MYH9: variants seen among roughly 807,000 people sequenced by gnomAD.
The protein encoded by MYH9 is myosin heavy chain 9.
Under a neutral mutation model 241.9 loss-of-function variants are expected in MYH9, and 29 were observed. The observed-to-expected ratio is 0.12, with a 90% CI of 0.09 to 0.16. MYH9 has a LOEUF of 0.16. Ranked by LOEUF, MYH9 falls within the 10% of genes least tolerant of loss-of-function variation. The pLI is 1.00. For synonymous variants in MYH9, 1,047 were observed against 1,062.6 expected (o/e 0.99, Z 0.29); for missense variants, 1,803 against 2,595.5 (o/e 0.69, Z 6.63).
At chr22:36,338,378 A>G (rs1461853462) in intron 3 of MYH9, among the ~76,000 whole-genome samples, 1 of 152,196 alleles carries the variant, frequency 6.6e-6, no homozygotes, top group African/African-American at 2.4e-5. Flanking sequence ...GTCCAATGCT[A>G]GCAGAAGGCA....
intron 7 of MYH9, 48 bp downstream of exon 7, chr22:36,321,710 C>G (rs1418267121): frequency 6.4e-7 from 1 of 1,551,354 alleles, no homozygotes; most frequent in South Asian, 1.1e-5. Context: ...AGAGGTCATG[C>G]CTCCCCTCCG....
intron 10 of MYH9, among the ~76,000 whole-genome samples, 175 bp downstream of exon 10, chr22:36,319,365 T>C (rs1431855576): frequency 6.6e-6 from 1 of 152,008 alleles, no homozygotes; most frequent in Non-Finnish European, 1.5e-5. Flanking sequence ...GCTTACTTGG[T>C]GAGAAAAAAA....
In MYH9 at chr22:36,322,471, G is replaced by A. The variant is rs375965637; in HGVS notation, c.663C>T (p.Phe221=). 1.2e-5 allele frequency: 19 copies of A among 1,613,848 alleles called. No individual in the cohort carries two copies. In the East Asian group the frequency reaches 2.7e-4, roughly 23 times the overall value. ...LLQANPILEA[F]GNAKTVKNDN... Reference sequence around the variant, plus strand: ...CATTCTTCACGGTCTTGGCGTTCCCGAAGGCCTCCAGGATGGGGTTGGCCT... The same window carrying A: ...CATTCTTCACGGTCTTGGCGTTCCCAAAGGCCTCCAGGATGGGGTTGGCCT... The change falls in exon 6 of 41, where the codon TTC becomes TTT. Residue 221 remains phenylalanine (F), a synonymous_variant. Transcript: ENST00000216181.
At chr22:36,292,558 G>C (rs1034540673) in intron 30 of MYH9, among the ~76,000 whole-genome samples, 26 of 152,196 alleles carry the variant, frequency 1.7e-4, no homozygotes, top group African/African-American at 6.3e-4. Flanking sequence ...GTGCCCTGTA[G>C]GGTGTCCACG....
intron 21 of MYH9, among the ~76,000 whole-genome samples, chr22:36,301,266 C>T (rs1031059242): frequency 1.3e-5 from 2 of 152,138 alleles, no homozygotes; most frequent in South Asian, 4.1e-4. Flanking sequence ...GAGCAAGGTC[C>T]CAGGAAATGG....
chr22:36,321,423 T>C (rs999158845), intron 7 of MYH9, among the ~76,000 whole-genome samples: 2 of 152,200 alleles, frequency 1.3e-5, no homozygotes, highest in African/African-American at 2.4e-5. Flanking sequence ...TTACAGGTAA[T>C]GGGAACAAGA....
rs1231440112 is a variant in MYH9, at chr22:36,288,772, G to A, written c.4725C>T (p.Gly1575=). The A allele has an allele frequency of 1.9e-6, 3 of 1,610,108 alleles. No homozygotes were observed. Among genetic ancestry groups the A allele is most frequent in the African/African-American group, 1.3e-5 (1 of 75,022 alleles). Residue 1575 remains glycine, a synonymous_variant, in exon 33 of 41, where the codon GGC becomes GGT. Coordinates refer to ENST00000216181, the MANE Select transcript of MYH9 (RefSeq NM_002473.6). This position sits in a 1 kb window ranked among gnomAD's most constrained non-coding sequence, Gnocchi z 4.8. The part of the protein sequence containing the change: ...MKAQFERDLQ[G]RDEQSEEKKK... ...TCTTCTCCTCGCTCTGCTCGTCCCG[G>A]CCCTGCAGGTCCCGCTCGAACTGGG...
Position 36,326,667 on chromosome 22 carries a change from A to C in MYH9, c.519-6T>G, listed in dbSNP as rs867195616. The C allele has an allele frequency of 1.3e-5, 21 of 1,613,068 alleles. No individual in the cohort carries two copies. The highest frequency in any genetic ancestry group is 3.3e-4 in the Middle Eastern group (2 of 6,084). ...TGCCAGCTCCAGATTCACCACTACC[A>C]AGAGAGGCAAGGAAGTCCCGGGCTT... On this transcript the variant is annotated splice_polypyrimidine_tract_variant and splice_region_variant and intron_variant, in intron 4 of 40. Transcript: ENST00000216181.
In MYH9 at chr22:36,308,716, G is replaced by GC. The variant is rs1475435558; in HGVS notation, c.1843+565_1843+566insG. ...AAGCAGGCAGGAAAAGCCAAGGCAA[G>GC]GGGGGGCGCGAGAAAACCTAGGCAG... On this transcript the variant is annotated intron_variant, in intron 15 of 40. Coordinates refer to ENST00000216181, the MANE Select transcript of MYH9 (RefSeq NM_002473.6). 1.2e-5 allele frequency: 7 copies of GC among 602,560 alleles called. No homozygotes were observed. In the African/African-American group the frequency reaches 2.8e-4, roughly 24 times the overall value. The allele number at this position is 602,560 out of a possible 1,614,324, so 37.3% of individuals were successfully genotyped here.
intron 5 of MYH9, among the ~76,000 whole-genome samples, chr22:36,324,186 C>A (rs936354734): frequency 6.6e-6 from 1 of 152,236 alleles, no homozygotes; most frequent in African/African-American, 2.4e-5. Context: ...AAAGTGGGGC[C>A]GCGGGGCCAA....
intron 13 of MYH9, among the ~76,000 whole-genome samples, chr22:36,312,845 A>C (rs2017087154): frequency 6.6e-6 from 1 of 152,198 alleles, no homozygotes; most frequent in South Asian, 2.1e-4. Context: ...GCGGTGGCTC[A>C]CGCCTGTAAT....
chr22:36,292,063 C>T lies in MYH9; in HGVS notation c.4267G>A (p.Asp1423Asn). 1 of 1,614,218 alleles carries T rather than the reference C, an allele frequency of 6.2e-7. No homozygotes were observed. The highest frequency in any genetic ancestry group is 1.1e-5 in the South Asian group (1 of 91,088). Residue 1423 changes from aspartate (D) to asparagine (N), a missense_variant, in exon 31 of 41, where the codon GAC becomes AAC. This residue lies in a region of MYH9 where 876 missense variants were observed against 1,077.8 expected (regional missense o/e 0.81). Coordinates refer to ENST00000216181, the MANE Select transcript of MYH9 (RefSeq NM_002473.6). ...KTKTRLQQELDDLLVDLDHQR... is the reference protein window; with the variant it reads ...KTKTRLQQELNDLLVDLDHQR... Reference sequence around the variant, plus strand: ...TGGTCCAGGTCCACCAGCAGGTCGTCCAGCTCCTGCTGCAGCCGCGTCTTG... The same window carrying T: ...TGGTCCAGGTCCACCAGCAGGTCGTTCAGCTCCTGCTGCAGCCGCGTCTTG...
intron 1 of MYH9, among the ~76,000 whole-genome samples, chr22:36,368,494 T>A (rs184592925): frequency 3.9e-5 from 6 of 152,106 alleles, no homozygotes; most frequent in Admixed American, 3.9e-4. Context: ...AGGCGTCACA[T>A]AGGACCTGGT....
chr22:36,343,531 G>A (rs1485751143), intron 2 of MYH9, among the ~76,000 whole-genome samples: 2 of 142,580 alleles, frequency 1.4e-5, no homozygotes, highest in Admixed American at 1.5e-4. Flanking sequence ...CTGGGTGACA[G>A]AGGGAGACCC....
Position 36,288,011 on chromosome 22 carries a change from C to CTTCTGTGTT in MYH9, c.4932+232_4932+240dup, listed in dbSNP as rs1240035932. Among the ~76,000 whole-genome samples the CTTCTGTGTT allele has an allele frequency of 6.6e-6, 1 of 152,172 alleles. No homozygotes were observed. Among genetic ancestry groups the CTTCTGTGTT allele is most frequent in the Non-Finnish European group, 1.5e-5 (1 of 68,036 alleles). On this transcript the variant is annotated intron_variant, in intron 34 of 40. Transcript: ENST00000216181. The surrounding 1 kb of genome is among the most constrained non-coding windows in gnomAD (Gnocchi z 4.8). ...CCATGTCTAGGCTTGTACTTGTTTGCTTCTGTGTTTTATGTACCCAGTCAT... is the reference window on the plus strand; with the variant it reads ...CCATGTCTAGGCTTGTACTTGTTTGCTTCTGTGTTTTCTGTGTTTTATGTACCCAGTCAT...
Position 36,285,109 on chromosome 22 carries a change from A to G in MYH9, c.5483+12T>C. The G allele has an allele frequency of 6.2e-7, 1 of 1,613,210 alleles. No individual in the cohort carries two copies. The highest frequency in any genetic ancestry group is 2.2e-5 in the East Asian group (1 of 44,874). On this transcript the variant is annotated intron_variant, in intron 38 of 40. Coordinates refer to ENST00000216181, the MANE Select transcript of MYH9 (RefSeq NM_002473.6). This position sits in a 1 kb window ranked among gnomAD's most constrained non-coding sequence, Gnocchi z 7.0. ...AGGACAGCTGGGGTTGGGCGGGGCC[A>G]GGGGCACGTACTTGGTCTCGTTGTC...
chr22:36,364,668 T>C (rs1057446773), intron 1 of MYH9: 1 of 152,176 alleles, frequency 6.6e-6, no homozygotes, highest in Admixed American at 6.5e-5. Flanking sequence ...GGCACATCAC[T>C]GGCCAGGGGT....
In MYH9 at chr22:36,319,653, G is replaced by A. The variant is rs749055517; in HGVS notation, c.1013-18C>T. 1.2e-6 allele frequency: 2 copies of A among 1,613,254 alleles called. No individual in the cohort carries two copies. Among genetic ancestry groups the A allele is most frequent in the Non-Finnish European group, 1.7e-6 (2 of 1,179,338 alleles). ...CAGCAGGCCTTTGGGTGCAATCAGA[G>A]GCAGCTCAGAAGCAGACATGGGTCA... On this transcript the variant is annotated intron_variant, in intron 9 of 40. Coordinates refer to ENST00000216181, the MANE Select transcript of MYH9 (RefSeq NM_002473.6).
At chr22:36,346,070 C>A (rs2017672825) in intron 2 of MYH9, among the ~76,000 whole-genome samples, 1 of 151,764 alleles carries the variant, frequency 6.6e-6, no homozygotes, top group Admixed American at 6.6e-5. Context: ...TCGCTTGAAC[C>A]CGGGAGGCAG....
Sources: allele counts gnomAD v4.1 joint callset (sites outside exome capture counted in the v4.1 genomes callset), GRCh38; gene constraint gnomAD v4.1.1; regional missense constraint gnomAD v4.1.1; non-coding constraint Gnocchi (gnomAD v3.1); transcripts MANE v1.5; gene names NCBI Gene and HGNC (gene_info 2026-07-23, HGNC 2026-07-21).